Variants in AGBL1 observed in about 807,000 individuals in gnomAD.
The protein encoded by AGBL1 is AGBL carboxypeptidase 1.
Under a neutral mutation model 118.9 loss-of-function variants are expected in AGBL1, and 130 were observed. The ratio of observed to expected loss-of-function variants is 1.09; its 90% CI spans 0.95 to 1.26. AGBL1 has a LOEUF of 1.26. Among genes scored for constraint, AGBL1 ranks in the 50% most tolerant of loss-of-function variants. AGBL1 has a pLI of 0.00. For synonymous variants in AGBL1, 555 were observed against 478.9 expected, an observed-to-expected ratio of 1.16 and a Z score of -2.08; for missense variants, 1,584 against 1,298.1, an observed-to-expected ratio of 1.22 and a Z score of -3.38.
At chr15:86,180,108 G>C (rs1437700849) in intron 5 of AGBL1, among the ~76,000 whole-genome samples, 1 of 152,034 alleles carries the variant, frequency 6.6e-6, no homozygotes, top group Non-Finnish European at 1.5e-5. Flanking sequence ...TTGGCAAAAT[G>C]TCAATTTTCC....
chr15:86,239,444 G>A (rs1253198818), intron 6 of AGBL1, among the ~76,000 whole-genome samples: 6 of 152,106 alleles, frequency 3.9e-5, no homozygotes, highest in Admixed American at 3.9e-4. Context: ...TTATGCTTTT[G>A]GCTGTTCTCC....
chr15:86,584,987 A>G (rs2084225087), intron 21 of AGBL1, among the ~76,000 whole-genome samples: 1 of 152,044 alleles, frequency 6.6e-6, no homozygotes, highest in South Asian at 2.1e-4. Context: ...TCTCAGCTTG[A>G]ATGTTACTGT....
intron 21 of AGBL1, among the ~76,000 whole-genome samples, chr15:86,623,268 T>C (rs2255533): frequency 0.88 from 134,144 of 152,174 alleles, 59,598 homozygotes; most frequent in East Asian, 1. Context: ...AGGCAGGAGC[T>C]CAATCATGTA....
intron 22 of AGBL1, among the ~76,000 whole-genome samples, chr15:86,705,514 G>A (rs1289091488): frequency 2.6e-5 from 4 of 152,118 alleles, no homozygotes; most frequent in East Asian, 1.9e-4. Flanking sequence ...ACCTCCATAT[G>A]TATTGGCTGA....
chr15:86,840,032 C>T (rs1002646977), intron 22 of AGBL1, among the ~76,000 whole-genome samples: 1 of 152,184 alleles, frequency 6.6e-6, no homozygotes, highest in Non-Finnish European at 1.5e-5. Flanking sequence ...TCCTCAGTTA[C>T]ATGGAGCATC....
intron 6 of AGBL1, among the ~76,000 whole-genome samples, chr15:86,229,097 T>G: frequency 6.6e-6 from 1 of 152,210 alleles, no homozygotes; most frequent in Admixed American, 6.5e-5. Context: ...ATTCCTGAAA[T>G]GTAGTAAAGC....
chr15:86,650,052 A>G (rs565527967), intron 21 of AGBL1, among the ~76,000 whole-genome samples: 21 of 152,332 alleles, frequency 1.4e-4, no homozygotes, highest in African/African-American at 4.8e-4. Flanking sequence ...TTTTATGGAC[A>G]TGTAAAAATA....
At chr15:86,258,082 C>G in intron 9 of AGBL1, 51 bp downstream of exon 9, 1 of 1,561,720 alleles carries the variant, frequency 6.4e-7, no homozygotes, top group Admixed American at 1.9e-5. Context: ...ACATCATGCA[C>G]AGAAAAATAT....
intron 18 of AGBL1, among the ~76,000 whole-genome samples, chr15:86,470,021 G>A (rs537538428): frequency 1.2e-4 from 19 of 152,246 alleles, no homozygotes; most frequent in African/African-American, 4.3e-4. Flanking sequence ...CATTCTGTAG[G>A]TTGTTCTTTC....
intron 1 of AGBL1, among the ~76,000 whole-genome samples, chr15:86,108,817 C>T (rs566404071): frequency 2.6e-5 from 4 of 152,132 alleles, no homozygotes; most frequent in East Asian, 3.9e-4. Context: ...ATTAGCCAGG[C>T]GTGGTGGCAT....
intron 23 of AGBL1, among the ~76,000 whole-genome samples, chr15:86,974,480 G>A (rs773014602): frequency 0.011 from 1,244 of 118,130 alleles, 45 homozygotes; most frequent in Middle Eastern, 0.026. Context: ...TTTATATATT[G>A]AATATAAACA....
chr15:86,543,492 A>G (rs1004614551), intron 19 of AGBL1, among the ~76,000 whole-genome samples: 12 of 152,296 alleles, frequency 7.9e-5, no homozygotes, highest in Admixed American at 2.6e-4. Context: ...TTTTGATTCA[A>G]AGAGACTGTG....
In AGBL1 at chr15:86,328,943, A is replaced by G. The variant is rs140747231; in HGVS notation, c.2374+33535A>G. Among the ~76,000 whole-genome samples the G allele has an allele frequency of 9.8e-5, 15 of 152,318 alleles. No individual in the cohort carries two copies. The East Asian group carries it at 2.9e-3, about 29-fold the overall frequency. ...ATTTGCATAGCTGTGCAAGCATTTT[A>G]GTCTTGGGCCAGAGATTAGAGCACC... is the stretch of plus-strand genomic sequence containing the variant. On this transcript the variant is annotated intron_variant, in intron 17 of 22. Coordinates refer to ENST00000614907, the MANE Select transcript of AGBL1 (RefSeq NM_001386094.1).
chr15:86,214,998 G>C lies in AGBL1; in HGVS notation c.489-9916G>C, dbSNP rs193108742. ...AGAGTTGTAGGGGAGGAGGTTCTTT[G>C]TTTCCAAAGAAAAATGGACGAGCTC... On this transcript the variant is annotated intron_variant, in intron 5 of 22. Transcript: ENST00000614907. 8.1e-3 allele frequency among the ~76,000 whole-genome samples: 1,236 copies of C among 152,232 alleles called. 15 individuals carry two copies. The highest frequency in any genetic ancestry group is 0.029 in the African/African-American group (1,195 of 41,534).
Position 86,583,715 on chromosome 15 carries a change from A to G in AGBL1, c.2994+29178A>G, listed in dbSNP as rs113749652. On this transcript the variant is annotated intron_variant, in intron 21 of 22. Coordinates refer to ENST00000614907, the MANE Select transcript of AGBL1 (RefSeq NM_001386094.1). ...TTTTGAGTATGTACCCAGTAATGGA[A>G]TTGCTGGGTCACACAGTAGTTCTGT... Among the ~76,000 whole-genome samples the G allele has an allele frequency of 5.3e-3, 814 of 152,254 alleles. 13 individuals carry two copies. Among genetic ancestry groups the G allele is most frequent in the African/African-American group, 0.017 (693 of 41,552 alleles).
At chr15:86,565,440 G>A (rs1271938630) in intron 21 of AGBL1, among the ~76,000 whole-genome samples, 5 of 152,368 alleles carry the variant, frequency 3.3e-5, no homozygotes, top group South Asian at 2.1e-4. Flanking sequence ...GGGCTGCAGA[G>A]CAGCGAATAT....
intron 22 of AGBL1, among the ~76,000 whole-genome samples, chr15:86,762,251 A>C (rs754130341): frequency 2.6e-5 from 4 of 151,972 alleles, no homozygotes; most frequent in Non-Finnish European, 5.9e-5. Flanking sequence ...ATTAGGGAAA[A>C]GAGCTAATTC....
chr15:86,585,059 G>T lies in AGBL1; in HGVS notation c.2994+30522G>T, dbSNP rs1048392788. 5.9e-5 allele frequency among the ~76,000 whole-genome samples: 9 copies of T among 152,150 alleles called. No individual in the cohort carries two copies. The East Asian group carries it at 1.3e-3, about 23-fold the overall frequency. ...TGTATCCTAAAACTTTACTGAAGTT[G>T]CTTATCAATTCCAGAAGTTTTGGTG... is the stretch of plus-strand genomic sequence containing the variant. On this transcript the variant is annotated intron_variant, in intron 21 of 22. Transcript: ENST00000614907.
At chr15:87,011,892 A>G (rs2081564021) in intron 24 of AGBL1, among the ~76,000 whole-genome samples, 1 of 152,196 alleles carries the variant, frequency 6.6e-6, no homozygotes, top group Admixed American at 6.5e-5. Context: ...ATTACTTTGC[A>G]GAAAATCTAT....
Sources: allele counts gnomAD v4.1 joint callset (sites outside exome capture counted in the v4.1 genomes callset), GRCh38; gene constraint gnomAD v4.1.1; transcripts MANE v1.5; gene names NCBI Gene and HGNC (gene_info 2026-07-23, HGNC 2026-07-21).